The following CPNE8 variants were observed in gnomAD, a reference collection of about 807,000 sequenced individuals.
CPNE8 encodes the protein copine-8.
Under a neutral mutation model 81.5 loss-of-function variants are expected in CPNE8, and 45 were observed. The ratio of observed to expected loss-of-function variants is 0.55; its 90% confidence interval spans 0.44 to 0.71. The LOEUF is 0.71. Ranked by LOEUF, CPNE8 falls within the 30% of genes least tolerant of loss-of-function variation. The probability of loss-of-function intolerance (pLI) is 0.00; values close to 1 mark genes in which losing one functional copy is unlikely to be tolerated. For missense variants in CPNE8, 594 were observed against 672.1 expected (o/e 0.88, Z 1.28); for synonymous variants, 252 against 226.3 (o/e 1.11, Z -1.02).
chr12:38,870,411 G>T (rs555519463), intron 3 of CPNE8, among the ~76,000 whole-genome samples: 1 of 152,192 alleles, frequency 6.6e-6, no homozygotes, highest in Non-Finnish European at 1.5e-5. Flanking sequence ...ATCAGTGATA[G>T]ACTGGATAAA....
chr12:38,843,391 T>C (rs530288969), intron 4 of CPNE8, among the ~76,000 whole-genome samples: 26 of 152,262 alleles, frequency 1.7e-4, no homozygotes, highest in Admixed American at 5.2e-4. Flanking sequence ...GACCAGTCCA[T>C]GGCCAGGTGA....
intron 3 of CPNE8, among the ~76,000 whole-genome samples, chr12:38,861,820 T>TTA (rs1943840454): frequency 6.6e-6 from 1 of 152,162 alleles, no homozygotes; most frequent in Admixed American, 6.5e-5. Flanking sequence ...AGATTGATTT[T>TTA]TATAAAACCA....
intron 3 of CPNE8, among the ~76,000 whole-genome samples, chr12:38,862,321 C>T (rs1462597755): frequency 2.6e-5 from 4 of 151,652 alleles, no homozygotes; most frequent in African/African-American, 9.7e-5. Context: ...ATGGTGGAAA[C>T]ATATGAGTTT....
chr12:38,671,280 CACACACACACGCAT>C (rs1344828690), intron 18 of CPNE8, among the ~76,000 whole-genome samples: 1 of 151,890 alleles, frequency 6.6e-6, no homozygotes, highest in Non-Finnish European at 1.5e-5. Flanking sequence ...CATACACATA[CACACACACACGCAT>C]ACACACACAC....
At chr12:38,677,392 C>T in intron 17 of CPNE8, 60 bp downstream of exon 17, 7 of 889,582 alleles carry the variant, frequency 7.9e-6, no homozygotes, top group South Asian at 4.0e-5. Context: ...ACTCTAGTCT[C>T]TCTCTAAGTA....
rs1207297591 is a variant in CPNE8, at chr12:38,817,636, T to TG, written c.407+11742_407+11743insC. Among the ~76,000 whole-genome samples, 4 of 146,856 alleles carry TG rather than the reference T, an allele frequency of 2.7e-5. No homozygotes were observed. The East Asian group carries it at 7.8e-4, about 29-fold the overall frequency. On this transcript the variant is annotated intron_variant, in intron 6 of 19. Coordinates refer to ENST00000331366, the MANE Select transcript of CPNE8 (RefSeq NM_153634.3). ...ATTCTTTTTTTTTTTTTTTTTTTTT[T>TG]TGTGAGAGACAAAGTCTCGCTCTGT... is the stretch of plus-strand genomic sequence containing the variant.
At chr12:38,831,678 T>G (rs1217469487) in intron 5 of CPNE8, among the ~76,000 whole-genome samples, 1 of 152,236 alleles carries the variant, frequency 6.6e-6, no homozygotes, top group African/African-American at 2.4e-5. Flanking sequence ...ATAATGGCAC[T>G]TCTTTATCAA....
chr12:38,715,812 GAAAT>G (rs1424393114), intron 13 of CPNE8, among the ~76,000 whole-genome samples: 2 of 152,036 alleles, frequency 1.3e-5, no homozygotes, highest in Non-Finnish European at 2.9e-5. Context: ...ACAAGAGAAA[GAAAT>G]AAAGTGCATC....
At chr12:38,760,451 A>ATATATATATATATG (rs749406707) in intron 10 of CPNE8, among the ~76,000 whole-genome samples, 1,571 of 120,078 alleles carry the variant, frequency 0.013, 23 homozygotes, top group Middle Eastern at 0.035. Context: ...ATATATATAT[A>ATATATATATATATG]TGTGTGTGTA....
intron 6 of CPNE8, among the ~76,000 whole-genome samples, chr12:38,796,664 C>T (rs944945723): frequency 6.6e-6 from 1 of 152,126 alleles, no homozygotes; most frequent in African/African-American, 2.4e-5. Flanking sequence ...GTACCAGGTT[C>T]ATCTCACTAG....
At chr12:38,678,437 A>C (rs1203804205) in intron 16 of CPNE8, among the ~76,000 whole-genome samples, 2 of 151,932 alleles carry the variant, frequency 1.3e-5, no homozygotes, top group Non-Finnish European at 2.9e-5. Context: ...ATTCATGTCC[A>C]GTGCTAAGTA....
At chr12:38,898,202 T>C (rs1332640094) in intron 1 of CPNE8, among the ~76,000 whole-genome samples, 1 of 152,130 alleles carries the variant, frequency 6.6e-6, no homozygotes, top group Non-Finnish European at 1.5e-5. Flanking sequence ...TAGATTAGCA[T>C]TCTCCACATA....
At chr12:38,853,169 T>C (rs1457007300) in intron 3 of CPNE8, among the ~76,000 whole-genome samples, 1 of 152,198 alleles carries the variant, frequency 6.6e-6, no homozygotes, top group Non-Finnish European at 1.5e-5. Context: ...TCTTTTTGAC[T>C]TGAAGTAAAA....
At chr12:38,660,319 C>T (rs570019966) in intron 19 of CPNE8, among the ~76,000 whole-genome samples, 2 of 152,194 alleles carry the variant, frequency 1.3e-5, no homozygotes, top group Non-Finnish European at 2.9e-5. Flanking sequence ...CATACATCTA[C>T]AACCATCTGA....
chr12:38,729,672 C>T (rs965755177), intron 11 of CPNE8, among the ~76,000 whole-genome samples: 4 of 151,894 alleles, frequency 2.6e-5, no homozygotes, highest in East Asian at 3.9e-4. Context: ...TATCCACATA[C>T]GTTAAATTTT....
At chr12:38,767,321 A>C (rs985102739) in intron 8 of CPNE8, among the ~76,000 whole-genome samples, 3 of 152,126 alleles carry the variant, frequency 2.0e-5, no homozygotes, top group African/African-American at 7.2e-5. Flanking sequence ...ATCTGTAACA[A>C]AATATATTTG....
intron 18 of CPNE8, among the ~76,000 whole-genome samples, chr12:38,672,608 G>A (rs765396777): frequency 1.4e-4 from 22 of 152,130 alleles, no homozygotes; most frequent in South Asian, 2.1e-4. Flanking sequence ...TATCCCCTTC[G>A]TCTAACTCGA....
chr12:38,858,299 T>C lies in CPNE8; in HGVS notation c.187-9637A>G, dbSNP rs565446317. ...GATGCAGTTCCGTCGAGCCCCAAAA[T>C]TGGGGCTTATCCTGGGAGGGTTCTT... is the stretch of plus-strand genomic sequence containing the variant. On this transcript the variant is annotated intron_variant, in intron 3 of 19. Transcript: ENST00000331366. Among the ~76,000 whole-genome samples, 31 of 152,244 alleles carry C rather than the reference T, an allele frequency of 2.0e-4. 1 individual carries two copies. The South Asian group carries it at 6.4e-3, about 32-fold the overall frequency.
rs146200091 is a variant in CPNE8, at chr12:38,836,557, A to T, written c.330+3359T>A. On this transcript the variant is annotated intron_variant, in intron 5 of 19. Coordinates refer to ENST00000331366, the MANE Select transcript of CPNE8 (RefSeq NM_153634.3). ...AAGAGAATGGAAAAAAAAAATTATT[A>T]TTACTAATTCAAGGGGTCTCTCTTG... is the stretch of plus-strand genomic sequence containing the variant. Among the ~76,000 whole-genome samples the T allele has an allele frequency of 4.4e-3, 671 of 152,278 alleles. 5 individuals carry two copies. The highest frequency in any genetic ancestry group is 0.027 in the Middle Eastern group (8 of 294).
Sources: allele counts gnomAD v4.1 joint callset (sites outside exome capture counted in the v4.1 genomes callset), GRCh38; gene constraint gnomAD v4.1.1; transcripts MANE v1.5; gene names NCBI Gene and HGNC (gene_info 2026-07-23, HGNC 2026-07-21).